PFKFB2: variants seen among roughly 807,000 people sequenced by gnomAD.
PFKFB2 encodes the protein 6-phosphofructo-2-kinase/fructose-2,6-bisphosphatase 2.
A neutral mutation model predicts 68.0 loss-of-function variants in PFKFB2; 53 were observed. The ratio of observed to expected loss-of-function variants is 0.78; its 90% CI spans 0.63 to 0.98. PFKFB2 has a LOEUF of 0.98. Among genes scored for constraint, PFKFB2 ranks in the 50% least tolerant of loss-of-function variants. PFKFB2 has a pLI of 0.00. For synonymous variants in PFKFB2, 222 were observed against 227.6 expected (o/e 0.98, Z 0.22); for missense variants, 451 against 642.0 (o/e 0.70, Z 3.22).
chr1:207,069,556 C>G (rs759935024), intron 11 of PFKFB2, 28 bp downstream of exon 11: 25 of 1,378,036 alleles, frequency 1.8e-5, no homozygotes, highest in Middle Eastern at 3.5e-4. Flanking sequence ...TGTAAAGTGA[C>G]TGCCTAGACC....
At chr1:207,050,757 C>G (rs1426141968), upstream of PFKFB2, 1 of 1,613,284 alleles carries the variant, frequency 6.2e-7, no homozygotes, top group Admixed American at 1.7e-5. Flanking sequence ...GGAGGGTATC[C>G]GACGAGGATT....
chr1:207,077,396 A>G lies in PFKFB2; in HGVS notation c.*5025A>G. 1 of 985,232 alleles carries G rather than the reference A, an allele frequency of 1.0e-6. No homozygotes were observed. The highest frequency in any genetic ancestry group is 1.2e-6 in the Non-Finnish European group (1 of 829,718). 61.0% of individuals were successfully genotyped at this position (985,232 alleles called of 1,614,324 possible). A position where few individuals can be genotyped will look rare whatever the true frequency, so the allele number is the denominator to read the frequency against. On this transcript the variant is annotated 3_prime_UTR_variant, in exon 15 of 15. Transcript: ENST00000367080. Reference sequence around the variant, plus strand: ...GCCTTTCACTGGATATCTGTGACCAATGTTTACCTACGCAATGTTTTTGTA... The same window carrying G: ...GCCTTTCACTGGATATCTGTGACCAGTGTTTACCTACGCAATGTTTTTGTA...
At chr1:207,066,445 A>G (rs890183008) in intron 8 of PFKFB2, among the ~76,000 whole-genome samples, 3 of 152,208 alleles carry the variant, frequency 2.0e-5, no homozygotes, top group African/African-American at 4.8e-5. Context: ...GTTTCCCAGA[A>G]TCCCCTTAAT....
At chr1:207,055,998 G>C (rs1682910551) in intron 2 of PFKFB2, among the ~76,000 whole-genome samples, 1 of 152,166 alleles carries the variant, frequency 6.6e-6, no homozygotes, top group Non-Finnish European at 1.5e-5. Context: ...ATAGCCTCTG[G>C]AGTCAGACTG....
rs756462878 is a variant in PFKFB2, at chr1:207,065,109, T to C, written c.581T>C (p.Ile194Thr). ...GTGATGGAGGACTTCCTGAAGAGAA[T>C]TGAATGCTACAAAGTTACCTACCGA... ...ENVMEDFLKR[I>T]ECYKVTYRPL... Residue 194 changes from isoleucine (I) to threonine (T), a missense_variant, in exon 8 of 15, where the codon ATT becomes ACT. Physicochemically the swap from Ile to Thr is moderately conservative, Grantham distance 89. Coordinates refer to ENST00000367080, the MANE Select transcript of PFKFB2 (RefSeq NM_006212.2). 2.5e-6 allele frequency: 4 copies of C among 1,613,910 alleles called. No individual in the cohort carries two copies. The highest frequency in any genetic ancestry group is 1.3e-5 in the African/African-American group (1 of 74,892).
At position 207,072,861 on chromosome 1, in the gene PFKFB2, C is replaced by G; in HGVS notation, c.*490C>G. ...TCCTTACTTGACTGCTTTCTTCCCCCACTTTCATGTCCCCTCTGGATTGTC... is the reference window on the plus strand; with the variant it reads ...TCCTTACTTGACTGCTTTCTTCCCCGACTTTCATGTCCCCTCTGGATTGTC... On this transcript the variant is annotated 3_prime_UTR_variant, in exon 15 of 15. Transcript: ENST00000367080. The G allele has an allele frequency of 1.0e-6, 1 of 990,274 alleles. No individual in the cohort carries two copies. Among genetic ancestry groups the G allele is most frequent in the Non-Finnish European group, 1.2e-6 (1 of 833,196 alleles). 61.3% of individuals were successfully genotyped at this position (990,274 alleles called of 1,614,324 possible).
upstream of PFKFB2, chr1:207,052,378 G>A: frequency 1.5e-6 from 1 of 659,458 alleles, no homozygotes; most frequent in Non-Finnish European, 2.6e-6. Context: ...GTCCACCGGG[G>A]TGGCCGGGCG....
rs879740912 is a variant in PFKFB2 at position 207,076,080 on chromosome 1, G to A, written c.*3709G>A. 4.1e-6 allele frequency: 4 copies of A among 985,194 alleles called. No individual in the cohort carries two copies. The highest frequency in any genetic ancestry group is 6.2e-5 in the Admixed American group (1 of 16,258). The allele number at this position is 985,194 out of a possible 1,614,324, so 61.0% of individuals were successfully genotyped here. On this transcript the variant is annotated 3_prime_UTR_variant, in exon 15 of 15. Coordinates refer to ENST00000367080, the MANE Select transcript of PFKFB2 (RefSeq NM_006212.2). ...TGTTTGTTTGTTTCCAAAGAAGTTG[G>A]AGTTAAGGACACAATATATTTGTAC...
chr1:207,062,882 G>A (rs1323565572), intron 4 of PFKFB2, among the ~76,000 whole-genome samples, 166 bp downstream of exon 4: 1 of 152,222 alleles, frequency 6.6e-6, no homozygotes, highest in Non-Finnish European at 1.5e-5. Flanking sequence ...GAAGAACAGG[G>A]CTCAGGGTGA....
intron 2 of PFKFB2, chr1:207,047,694 G>A (rs550947593): frequency 1.0e-4 from 16 of 152,664 alleles, no homozygotes; most frequent in African/African-American, 3.4e-4. Context: ...TGTGCCTTGC[G>A]GATTAGTCCA....
At chr1:207,054,826 A>C in intron 2 of PFKFB2, 24 bp downstream of exon 2, 2 of 1,487,746 alleles carry the variant, frequency 1.3e-6, no homozygotes, top group Non-Finnish European at 9.4e-7. Flanking sequence ...GAGAGGAGGG[A>C]CTGCTCTCTC....
Position 207,075,136 on chromosome 1 carries a change from G to A in PFKFB2, c.*2765G>A, listed in dbSNP as rs1683586879. The A allele has an allele frequency of 1.0e-6, 1 of 985,336 alleles. No individual in the cohort carries two copies. The highest frequency in any genetic ancestry group is 1.7e-5 in the African/African-American group (1 of 57,232). The allele number at this position is 985,336 out of a possible 1,614,324, so 61.0% of individuals were successfully genotyped here. ...AACACTGTACCCACTCTTAGCAAAA[G>A]GGGACTTCTCTAACAAGCTAGCATT... On this transcript the variant is annotated 3_prime_UTR_variant, in exon 15 of 15. Coordinates refer to ENST00000367080, the MANE Select transcript of PFKFB2 (RefSeq NM_006212.2).
chr1:207,063,364 T>C lies in PFKFB2; in HGVS notation c.393T>C (p.Asn131=). 1 of 1,613,666 alleles carries C rather than the reference T, an allele frequency of 6.2e-7. No individual in the cohort carries two copies. The highest frequency in any genetic ancestry group is 8.5e-7 in the Non-Finnish European group (1 of 1,179,598). Residue 131 remains asparagine (N), a synonymous_variant, in exon 6 of 15, where the codon AAT becomes AAC. Coordinates refer to ENST00000367080, the MANE Select transcript of PFKFB2 (RefSeq NM_006212.2). This position sits in a 1 kb window ranked among gnomAD's most constrained non-coding sequence, Gnocchi z 4.1. ...CTTCACAGGTGTTTGATGCCACCAATACAACCCGGGAGAGGAGGGACATGA... is the reference window on the plus strand; with the variant it reads ...CTTCACAGGTGTTTGATGCCACCAACACAACCCGGGAGAGGAGGGACATGA... ...NGQIAVFDAT[N]TTRERRDMIL...
chr1:207,074,097 G>T lies in PFKFB2; in HGVS notation c.*1726G>T, dbSNP rs1007764318. 2.2e-6 allele frequency: 2 copies of T among 895,964 alleles called. No individual in the cohort carries two copies. Among genetic ancestry groups the T allele is most frequent in the Middle Eastern group, 5.8e-4 (1 of 1,732 alleles). 55.5% of individuals were successfully genotyped at this position (895,964 alleles called of 1,614,324 possible). ...CTTAATACTGACTCAGAATCTCTGG[G>T]ATCTGGGTCTGGACATGCATGTATT... On this transcript the variant is annotated 3_prime_UTR_variant, in exon 15 of 15. Transcript: ENST00000367080.
intron 2 of PFKFB2, chr1:207,061,002 C>A (rs1406079909): frequency 8.2e-6 from 1 of 122,110 alleles, no homozygotes; most frequent in African/African-American, 4.4e-5. Context: ...ATATCTATAT[C>A]TTAAATATTA....
At chr1:207,049,242 G>C, upstream of PFKFB2, 1 of 1,614,086 alleles carries the variant, frequency 6.2e-7, no homozygotes, top group African/African-American at 1.3e-5. Flanking sequence ...CTGGATCAGG[G>C]AAGTTACGCT....
intron 9 of PFKFB2, 89 bp from the exon 10 acceptor site, chr1:207,068,074 G>A (rs919280372): frequency 6.8e-6 from 8 of 1,183,316 alleles, no homozygotes; most frequent in Non-Finnish European, 9.5e-6. Flanking sequence ...AAGTTAGCAG[G>A]CTTTGTGTAT....
Position 207,063,680 on chromosome 1 carries a change from ATG to A in PFKFB2, c.451-90_451-89del. 1 of 1,028,720 alleles carries A rather than the reference ATG, an allele frequency of 9.7e-7. No homozygotes were observed. The highest frequency in any genetic ancestry group is 2.4e-5 in the East Asian group (1 of 42,276). 63.7% of individuals were successfully genotyped at this position (1,028,720 alleles called of 1,614,324 possible). A position where few individuals can be genotyped will look rare whatever the true frequency, so the allele number is the denominator to read the frequency against. ...ACTTTCATGAAGAAAATCCTGGGAG[ATG>A]TGGTGGCTGGGTGGGGTAGATGAGC... On this transcript the variant is annotated intron_variant, in intron 6 of 14. Coordinates refer to ENST00000367080, the MANE Select transcript of PFKFB2 (RefSeq NM_006212.2). This position sits in a 1 kb window ranked among gnomAD's most constrained non-coding sequence, Gnocchi z 4.1.
At chr1:207,061,153 T>TA (rs1683094220) in intron 2 of PFKFB2, among the ~76,000 whole-genome samples, 3 of 79,138 alleles carry the variant, frequency 3.8e-5, no homozygotes, top group Admixed American at 1.5e-4. Flanking sequence ...TTATATATAT[T>TA]TATATATATC....
Sources: gnomAD v4.1 joint callset for allele counts (sites outside exome capture counted in the v4.1 genomes callset) on GRCh38, gnomAD v4.1.1 for gene constraint, Gnocchi (gnomAD v3.1) non-coding constraint, MANE v1.5 for transcripts, NCBI Gene and HGNC (gene_info 2026-07-23, HGNC 2026-07-21) for gene names.